MSRA: variants seen among roughly 807,000 people sequenced by gnomAD.
The protein encoded by MSRA is methionine sulfoxide reductase A.
MSRA carries 54 observed loss-of-function variants against 31.3 expected under a neutral mutation model. The ratio of observed to expected loss-of-function variants is 1.73; its 90% CI spans 1.39 to 2.17. MSRA has a LOEUF of 2.17. Ranked by LOEUF, MSRA falls within the 30% of genes most tolerant of loss-of-function variation. The pLI is 0.00. For missense variants in MSRA, 507 were observed against 300.9 expected (o/e 1.69, Z -5.07); for synonymous variants, 169 against 116.5 (o/e 1.45, Z -2.90).
At chr8:10,116,055 G>A (rs1800654826) in intron 1 of MSRA, among the ~76,000 whole-genome samples, 1 of 152,138 alleles carries the variant, frequency 6.6e-6, no homozygotes, top group South Asian at 2.1e-4. Context: ...AGTTGGAGCT[G>A]CTGAAATGGT....
chr8:10,408,445 G>A (rs1483831700), intron 5 of MSRA, among the ~76,000 whole-genome samples: 1 of 152,132 alleles, frequency 6.6e-6, no homozygotes, highest in African/African-American at 2.4e-5. Context: ...AAGAGGCTGA[G>A]GCAGAGGGAT....
At chr8:10,237,131 G>A (rs773585025) in intron 2 of MSRA, among the ~76,000 whole-genome samples, 4 of 152,218 alleles carry the variant, frequency 2.6e-5, no homozygotes, top group African/African-American at 9.6e-5. Flanking sequence ...TTTTCATTGT[G>A]TTGTGGTTGG....
At chr8:10,186,092 C>T (rs1186106196) in intron 1 of MSRA, among the ~76,000 whole-genome samples, 2 of 152,110 alleles carry the variant, frequency 1.3e-5, no homozygotes, top group East Asian at 3.9e-4. Flanking sequence ...CGTGTTGGAC[C>T]AGGACACAGT....
chr8:10,109,238 C>A (rs79602299), intron 1 of MSRA, among the ~76,000 whole-genome samples: 1 of 152,090 alleles, frequency 6.6e-6, no homozygotes, highest in African/African-American at 2.4e-5. Flanking sequence ...CTGTTTTAAC[C>A]CTTTTTTACC....
chr8:10,357,679 T>A (rs1804589234), intron 5 of MSRA, among the ~76,000 whole-genome samples: 1 of 152,312 alleles, frequency 6.6e-6, no homozygotes, highest in African/African-American at 2.4e-5. Context: ...TTTCTTTTAA[T>A]CAGAAAAAAG....
At chr8:10,068,061 T>G (rs1797552461) in intron 1 of MSRA, among the ~76,000 whole-genome samples, 1 of 152,010 alleles carries the variant, frequency 6.6e-6, no homozygotes, top group Non-Finnish European at 1.5e-5. Flanking sequence ...TTTTTGGATT[T>G]TTAGTAGACA....
chr8:10,339,556 T>TTTTTTTTTC (rs1554531885), intron 5 of MSRA, among the ~76,000 whole-genome samples: 20 of 100,718 alleles, frequency 2.0e-4, no homozygotes, highest in South Asian at 4.1e-4. Flanking sequence ...TTTTTTTTTT[T>TTTTTTTTTC]TCTGAGACGG....
intron 4 of MSRA, among the ~76,000 whole-genome samples, chr8:10,305,803 C>T (rs1301203633): frequency 6.6e-6 from 1 of 152,142 alleles, no homozygotes; most frequent in Admixed American, 6.5e-5. Context: ...GGCCCGAGAC[C>T]TGTTATTCCA....
intron 3 of MSRA, among the ~76,000 whole-genome samples, chr8:10,276,720 G>A (rs1192760753): frequency 1.3e-5 from 2 of 152,146 alleles, no homozygotes; most frequent in Admixed American, 1.3e-4. Context: ...AGGAGCAACT[G>A]ATATGCAGCT....
At chr8:10,405,211 G>A (rs1169964122) in intron 5 of MSRA, among the ~76,000 whole-genome samples, 3 of 152,136 alleles carry the variant, frequency 2.0e-5, no homozygotes, top group African/African-American at 7.2e-5. Context: ...CTGGGAGAGA[G>A]TGCCTCTCCC....
intron 1 of MSRA, among the ~76,000 whole-genome samples, chr8:10,078,657 G>A (rs1798121906): frequency 6.6e-6 from 1 of 152,394 alleles, no homozygotes; most frequent in African/African-American, 2.4e-5. Flanking sequence ...AGGAGAGGCT[G>A]AGGCCCACGG....
chr8:10,214,285 T>A (rs1315603066), intron 2 of MSRA, among the ~76,000 whole-genome samples: 1 of 152,114 alleles, frequency 6.6e-6, no homozygotes, highest in Middle Eastern at 3.2e-3. Flanking sequence ...CAGAGACTTG[T>A]CCCTCTCTGG....
rs994327927 is a variant in MSRA, at chr8:10,287,970, C to G, written c.332-13564C>G. Among the ~76,000 whole-genome samples, 8 of 152,146 alleles carry G rather than the reference C, an allele frequency of 5.3e-5. No homozygotes were observed. In the South Asian group the frequency reaches 1.7e-3, roughly 32 times the overall value. On this transcript the variant is annotated intron_variant, in intron 3 of 5. Transcript: ENST00000317173. ...TGAGCTCTTTGAGGTCGGGACCTGTCTTAATCCTGTTTTGGCTGCATCCCA... is the reference window on the plus strand; with the variant it reads ...TGAGCTCTTTGAGGTCGGGACCTGTGTTAATCCTGTTTTGGCTGCATCCCA...
At chr8:10,222,985 A>AGT (rs1282944214) in intron 2 of MSRA, among the ~76,000 whole-genome samples, 2 of 152,206 alleles carry the variant, frequency 1.3e-5, no homozygotes, top group Admixed American at 1.3e-4. Context: ...AACAGTGTTA[A>AGT]GTGTGTAAGG....
chr8:10,253,211 A>G (rs139176868), intron 3 of MSRA, among the ~76,000 whole-genome samples: 2 of 152,334 alleles, frequency 1.3e-5, no homozygotes, highest in South Asian at 2.1e-4. Flanking sequence ...AAAGACTCCA[A>G]TAATGTCAGG....
At chr8:10,296,714 GC>G (rs989719666) in intron 3 of MSRA, among the ~76,000 whole-genome samples, 1 of 152,076 alleles carries the variant, frequency 6.6e-6, no homozygotes, top group African/African-American at 2.4e-5. Context: ...GTAGATAAAG[GC>G]CCCCCCAGCA....
At chr8:10,249,344 A>T (rs979320606) in intron 3 of MSRA, among the ~76,000 whole-genome samples, 3 of 152,136 alleles carry the variant, frequency 2.0e-5, no homozygotes, top group Non-Finnish European at 2.9e-5. Flanking sequence ...CTCCAAATTG[A>T]GTTAACCTCG....
chr8:10,192,767 A>G (rs920957382), intron 1 of MSRA, among the ~76,000 whole-genome samples: 16 of 152,208 alleles, frequency 1.1e-4, no homozygotes, highest in African/African-American at 3.9e-4. Context: ...GTATTCTGTA[A>G]ATGGTGCTCA....
In MSRA at chr8:10,408,997, C is replaced by G. The variant is rs184673744; in HGVS notation, c.544-19151C>G. Among the ~76,000 whole-genome samples, 25 of 152,306 alleles carry G rather than the reference C, an allele frequency of 1.6e-4. No homozygotes were observed. In the East Asian group the frequency reaches 4.6e-3, roughly 28 times the overall value. On this transcript the variant is annotated intron_variant, in intron 5 of 5. Coordinates refer to ENST00000317173, the MANE Select transcript of MSRA (RefSeq NM_012331.5). The stretch of plus-strand genomic sequence containing the variant: ...AGGATGTTTAGGTTGATTCCATATC[C>G]TTGCTGCAGTGTGTAGTGCTGTAAT...
Sources: allele counts gnomAD v4.1 joint callset (sites outside exome capture counted in the v4.1 genomes callset), GRCh38; gene constraint gnomAD v4.1.1; transcripts MANE v1.5; gene names NCBI Gene and HGNC (gene_info 2026-07-23, HGNC 2026-07-21).